AGBL1: variants seen among roughly 807,000 people sequenced by gnomAD.
The protein encoded by AGBL1 is cytosolic carboxypeptidase 4.
Under a neutral mutation model 118.9 loss-of-function variants are expected in AGBL1, and 130 were observed. The ratio of observed to expected loss-of-function variants is 1.09; its 90% CI spans 0.95 to 1.26. The LOEUF (loss-of-function observed/expected upper bound fraction) is 1.26. AGBL1 is among the 50% of genes most tolerant of loss of function. AGBL1 has a pLI of 0.00. For synonymous variants in AGBL1, 555 were observed against 478.9 expected, an observed-to-expected ratio of 1.16 and a Z score of -2.08; for missense variants, 1,584 against 1,298.1, an observed-to-expected ratio of 1.22 and a Z score of -3.38.
intron 5 of AGBL1, among the ~76,000 whole-genome samples, chr15:86,223,343 G>A (rs570583454): frequency 4.6e-4 from 70 of 152,180 alleles, no homozygotes; most frequent in Admixed American, 9.8e-4. Flanking sequence ...CTGTTTCTGT[G>A]GTTTCCTTCT....
chr15:86,848,874 G>A (rs575397066), intron 22 of AGBL1, among the ~76,000 whole-genome samples: 1 of 152,124 alleles, frequency 6.6e-6, no homozygotes, highest in Non-Finnish European at 1.5e-5. Flanking sequence ...AATATTTCTC[G>A]AGTACTTTCC....
intron 17 of AGBL1, among the ~76,000 whole-genome samples, chr15:86,389,422 CA>C (rs990721712): frequency 1.2e-4 from 18 of 152,044 alleles, no homozygotes; most frequent in African/African-American, 3.4e-4. Context: ...TTATGCCCAG[CA>C]AAAATATTTT....
chr15:86,156,060 C>T (rs1246121808), intron 4 of AGBL1, among the ~76,000 whole-genome samples: 1 of 151,958 alleles, frequency 6.6e-6, no homozygotes, highest in Non-Finnish European at 1.5e-5. Context: ...TAGCTGGGAT[C>T]ACAGGGACCT....
rs1398017054 is a variant in AGBL1 at position 86,247,777 on chromosome 15, ACGGGG to A, written c.635_639del (p.Arg212LeufsTer37). 1 of 1,613,782 alleles carries A rather than the reference ACGGGG, an allele frequency of 6.2e-7. No individual in the cohort carries two copies. ...CAGCCAACGCCTACGTGCAGATCCGACGGGGCTTGCTGCTCTGCCTCAGGCACATT... is the reference window on the plus strand; with the variant it reads ...CAGCCAACGCCTACGTGCAGATCCGACTTGCTGCTCTGCCTCAGGCACATT... On this transcript the variant is annotated frameshift_variant, in exon 7 of 23. Transcript: ENST00000614907. LOFTEE classifies it high-confidence loss of function.
At chr15:86,948,696 G>A (rs1398706921) in intron 23 of AGBL1, among the ~76,000 whole-genome samples, 2 of 152,230 alleles carry the variant, frequency 1.3e-5, no homozygotes, top group Non-Finnish European at 2.9e-5. Context: ...GTGCCAACAA[G>A]ATGTCTTAGC....
At chr15:86,217,025 A>G (rs2078201052) in intron 5 of AGBL1, among the ~76,000 whole-genome samples, 1 of 152,160 alleles carries the variant, frequency 6.6e-6, no homozygotes, top group Admixed American at 6.6e-5. Context: ...ATGTTGCTTT[A>G]TCAAAGAAGT....
At chr15:86,316,665 A>G in intron 17 of AGBL1, 1 of 152,238 alleles carries the variant, frequency 6.6e-6, no homozygotes, top group East Asian at 1.9e-4. Context: ...GGAGGAGCAA[A>G]TTCATGGTAA....
chr15:86,512,070 A>T (rs1236201187), intron 18 of AGBL1, among the ~76,000 whole-genome samples: 1 of 151,988 alleles, frequency 6.6e-6, no homozygotes, highest in Non-Finnish European at 1.5e-5. Flanking sequence ...ATATACGTTT[A>T]TGAAATAATA....
intron 18 of AGBL1, among the ~76,000 whole-genome samples, chr15:86,469,438 A>G (rs140264209): frequency 7.2e-5 from 11 of 152,216 alleles, no homozygotes; most frequent in Admixed American, 2.0e-4. Context: ...GTACTATTTC[A>G]TTGTATGTAT....
chr15:86,158,473 C>T lies in AGBL1; in HGVS notation c.395-460C>T, dbSNP rs139794791. Reference sequence around the variant, plus strand: ...TCTGTGGACTCCTCTTATTTTCTGACATGAGCAGAGCTCTACCTAAAGTGA... The same window carrying T: ...TCTGTGGACTCCTCTTATTTTCTGATATGAGCAGAGCTCTACCTAAAGTGA... On this transcript the variant is annotated intron_variant, in intron 4 of 22. Transcript: ENST00000614907. 4.4e-4 allele frequency among the ~76,000 whole-genome samples: 67 copies of T among 152,314 alleles called. No homozygotes were observed. In the East Asian group the frequency reaches 0.013, roughly 29 times the overall value.
chr15:86,811,222 T>C (rs996930798), intron 22 of AGBL1, among the ~76,000 whole-genome samples: 27 of 152,214 alleles, frequency 1.8e-4, no homozygotes, highest in African/African-American at 6.0e-4. Flanking sequence ...CTCAGTCTTC[T>C]TCCTATTGGT....
chr15:86,942,384 T>C (rs543640137), intron 23 of AGBL1, among the ~76,000 whole-genome samples: 21 of 152,336 alleles, frequency 1.4e-4, no homozygotes, highest in African/African-American at 5.1e-4. Context: ...CTGACTCTAC[T>C]GTCGGGAAGT....
chr15:86,776,831 GT>G (rs1203696720), intron 22 of AGBL1, among the ~76,000 whole-genome samples: 18 of 148,726 alleles, frequency 1.2e-4, no homozygotes, highest in Non-Finnish European at 1.9e-4. Flanking sequence ...AATAAAACAG[GT>G]TTTTTTAAAA....
chr15:86,925,720 C>CTTTTTTTTTTTTTTT (rs375125663), intron 23 of AGBL1, among the ~76,000 whole-genome samples: 5 of 131,966 alleles, frequency 3.8e-5, no homozygotes, highest in African/African-American at 8.4e-5. Context: ...TTTTTCTTTT[C>CTTTTTTTTTTTTTTT]TTTTTTTTTT....
intron 22 of AGBL1, among the ~76,000 whole-genome samples, chr15:86,826,169 G>C (rs948861850): frequency 4.6e-5 from 7 of 152,210 alleles, no homozygotes; most frequent in African/African-American, 1.7e-4. Flanking sequence ...CTTCAGAGTA[G>C]TTCCTTAAAG....
At chr15:86,283,780 G>A (rs1414400461) in intron 16 of AGBL1, among the ~76,000 whole-genome samples, 1 of 152,092 alleles carries the variant, frequency 6.6e-6, no homozygotes, top group African/African-American at 2.4e-5. Context: ...AACATGGAAA[G>A]CCATTCTGAA....
intron 21 of AGBL1, among the ~76,000 whole-genome samples, chr15:86,565,732 G>T (rs1204348392): frequency 2.0e-5 from 3 of 152,162 alleles, no homozygotes; most frequent in Non-Finnish European, 4.4e-5. Flanking sequence ...TCCAGAGGTG[G>T]AGTCTACAGA....
At chr15:86,296,866 ATGT>A (rs2079653664) in intron 17 of AGBL1, 2 of 152,180 alleles carry the variant, frequency 1.3e-5, no homozygotes, top group African/African-American at 2.4e-5. Context: ...AAGAAAGTGG[ATGT>A]GTGTAAGTCT....
intron 22 of AGBL1, among the ~76,000 whole-genome samples, chr15:86,809,138 AC>A (rs2078756430): frequency 6.6e-6 from 1 of 152,198 alleles, no homozygotes; most frequent in Non-Finnish European, 1.5e-5. Context: ...GCCTAAAGTC[AC>A]CGGCTAGACA....
Sources: gnomAD v4.1 joint callset for allele counts (sites outside exome capture counted in the v4.1 genomes callset) on GRCh38, gnomAD v4.1.1 for gene constraint, MANE v1.5 for transcripts, NCBI Gene and HGNC (gene_info 2026-07-23, HGNC 2026-07-21) for gene names.